PKD1L1: variants seen among roughly 807,000 people sequenced by gnomAD.
The protein encoded by PKD1L1 is polycystin 1 like 1, transient receptor potential channel interacting.
A neutral mutation model predicts 323.4 loss-of-function variants in PKD1L1; 236 were observed. The observed-to-expected ratio is 0.73, with a 90% CI of 0.66 to 0.81. The LOEUF is 0.81. PKD1L1 is among the 40% of genes least tolerant of loss of function. The probability of loss-of-function intolerance (pLI) is 0.00; values close to 1 mark genes in which losing one functional copy is unlikely to be tolerated. For synonymous variants in PKD1L1, 1,344 were observed against 1,335.0 expected (o/e 1.01, Z -0.15); for missense variants, 3,320 against 3,508.0 (o/e 0.95, Z 1.35).
At chr7:47,958,821 TC>T in the PKD1L1 span, among the ~76,000 whole-genome samples, 1 of 152,010 alleles carries the variant, frequency 6.6e-6, no homozygotes, top group Admixed American at 6.6e-5. Flanking sequence ...GGTCTCCCTC[TC>T]CCCACGGTCT....
intron 20 of PKD1L1, 66 bp downstream of exon 20, chr7:47,881,843 T>A (rs1786560250): frequency 4.1e-6 from 6 of 1,453,298 alleles, no homozygotes; most frequent in Non-Finnish European, 5.5e-6. Context: ...CAGAAGAAAT[T>A]GAGGGCTGAT....
rs562063170 is a variant in PKD1L1 at position 47,819,655 on chromosome 7, C to A, written c.6965+1421G>T. Reference sequence around the variant, plus strand: ...ACAATGCTCAGCAGAAAAAAAAAAACAAAACAACTTGGATTACTGAGCTAC... The same window carrying A: ...ACAATGCTCAGCAGAAAAAAAAAAAAAAAACAACTTGGATTACTGAGCTAC... On this transcript the variant is annotated intron_variant, in intron 46 of 56. Coordinates refer to ENST00000289672, the MANE Select transcript of PKD1L1 (RefSeq NM_138295.5). 3.0e-4 allele frequency: 307 copies of A among 1,026,920 alleles called. 1 individual carries two copies. In the African/African-American group the frequency reaches 3.5e-3, roughly 12 times the overall value. 63.6% of individuals were successfully genotyped at this position (1,026,920 alleles called of 1,614,324 possible).
At chr7:47,957,860 A>ATATATATATATATATATATAT in the PKD1L1 span, among the ~76,000 whole-genome samples, 2,395 of 123,652 alleles carry the variant, frequency 0.019, 106 homozygotes, top group East Asian at 0.035. Context: ...CAATTAAAAA[A>ATATATATATATATATATATAT]AAATATATAT....
intron 42 of PKD1L1, 54 bp downstream of exon 42, chr7:47,831,163 T>C: frequency 6.4e-7 from 1 of 1,568,530 alleles, no homozygotes; most frequent in Non-Finnish European, 8.7e-7. Context: ...TGTTTACAAA[T>C]GCGAGACTTT....
Position 47,916,477 on chromosome 7 carries a change from G to A in PKD1L1, c.1061-878C>T, listed in dbSNP as rs544894958. ...ACTTGGATGGACAGAGCAGTGTGTGGAGGCTCGCATAGTCAATTTTTGCTC... is the reference window on the plus strand; with the variant it reads ...ACTTGGATGGACAGAGCAGTGTGTGAAGGCTCGCATAGTCAATTTTTGCTC... On this transcript the variant is annotated intron_variant, in intron 7 of 56. Transcript: ENST00000289672. 5.3e-5 allele frequency among the ~76,000 whole-genome samples: 8 copies of A among 152,282 alleles called. No homozygotes were observed. The East Asian group carries it at 1.5e-3, about 29-fold the overall frequency.
intron 26 of PKD1L1, among the ~76,000 whole-genome samples, chr7:47,862,200 A>G (rs1786047330): frequency 6.6e-6 from 1 of 152,146 alleles, no homozygotes; most frequent in African/African-American, 2.4e-5. Flanking sequence ...GTCTGAAAAA[A>G]AAAAGAGCAA....
In PKD1L1 at chr7:47,833,137, C is replaced by T; in HGVS notation, c.6290G>A (p.Arg2097Lys). 1.2e-6 allele frequency: 2 copies of T among 1,612,454 alleles called. No individual in the cohort carries two copies. Among genetic ancestry groups the T allele is most frequent in the Non-Finnish European group, 1.7e-6 (2 of 1,179,376 alleles). The part of the protein sequence containing the change: ...KLQVHGADHS[R>K]TSLMGKSHCC... ...GTGGCTTTTCCCCATCAGAGAAGTCCTGCTGTGGTCAGCCCCATGAACCTG... is the reference window on the plus strand; with the variant it reads ...GTGGCTTTTCCCCATCAGAGAAGTCTTGCTGTGGTCAGCCCCATGAACCTG... The change falls in exon 41 of 57, where the codon AGG becomes AAG. Residue 2097 changes from arginine (R) to lysine (K), a missense_variant. Coordinates refer to ENST00000289672, the MANE Select transcript of PKD1L1 (RefSeq NM_138295.5).
chr7:47,797,080 G>C (rs1024959191), intron 54 of PKD1L1, among the ~76,000 whole-genome samples: 1 of 151,908 alleles, frequency 6.6e-6, no homozygotes, highest in African/African-American at 2.4e-5. Flanking sequence ...AAAACCTCAG[G>C]GGACAGCTGT....
chr7:47,916,073 A>G (rs941289289), intron 7 of PKD1L1, among the ~76,000 whole-genome samples: 1 of 152,190 alleles, frequency 6.6e-6, no homozygotes, highest in Non-Finnish European at 1.5e-5. Flanking sequence ...GGACAAATAA[A>G]AGACAAAGAA....
At chr7:47,780,187 T>C (rs747640182) in intron 56 of PKD1L1, among the ~76,000 whole-genome samples, 76 of 152,154 alleles carry the variant, frequency 5.0e-4, no homozygotes, top group Middle Eastern at 3.2e-3. Flanking sequence ...ATTGATACAA[T>C]TAACGTAAAG....
intron 9 of PKD1L1, 136 bp downstream of exon 9, chr7:47,907,940 GA>G (rs1309261391): frequency 3.6e-6 from 3 of 829,988 alleles, no homozygotes; most frequent in Non-Finnish European, 5.3e-6. Context: ...CATATTTTCT[GA>G]ATTAGGGAAG....
chr7:47,923,945 C>CT (rs200401688), intron 7 of PKD1L1, among the ~76,000 whole-genome samples: 601 of 148,282 alleles, frequency 4.1e-3, no homozygotes, highest in African/African-American at 0.014. Context: ...ATCAACAACT[C>CT]TTTTTTTTTT....
intron 12 of PKD1L1, among the ~76,000 whole-genome samples, chr7:47,903,677 C>T (rs1431096429): frequency 6.6e-6 from 1 of 152,180 alleles, no homozygotes; most frequent in Non-Finnish European, 1.5e-5. Flanking sequence ...TTTCTAGATA[C>T]TTCTGCACCC....
intron 33 of PKD1L1, 26 bp from the exon 34 acceptor site, chr7:47,843,195 G>T: frequency 1.3e-6 from 2 of 1,554,696 alleles, no homozygotes; most frequent in Non-Finnish European, 8.8e-7. Context: ...GAGATATAAA[G>T]AAAATTGCTC....
chr7:47,822,604 A>C (rs1357148186), intron 45 of PKD1L1, among the ~76,000 whole-genome samples: 1 of 151,084 alleles, frequency 6.6e-6, no homozygotes, highest in Non-Finnish European at 1.5e-5. Flanking sequence ...CAAAAAAAAA[A>C]AAAAAAAAAA....
At chr7:47,885,612 C>A in intron 18 of PKD1L1, 74 bp downstream of exon 18, 1 of 1,531,776 alleles carries the variant, frequency 6.5e-7, no homozygotes, top group South Asian at 1.3e-5. Context: ...ACCTTACCCA[C>A]CAGATTCACT....
At chr7:47,827,078 A>T (rs1417590577) in intron 45 of PKD1L1, among the ~76,000 whole-genome samples, 1 of 152,210 alleles carries the variant, frequency 6.6e-6, no homozygotes, top group African/African-American at 2.4e-5. Context: ...GGCCCAGAGG[A>T]GGAAGCTTTC....
chr7:47,893,074 A>G (rs1786856024), intron 15 of PKD1L1, among the ~76,000 whole-genome samples: 1 of 150,414 alleles, frequency 6.6e-6, no homozygotes, highest in Middle Eastern at 3.4e-3. Context: ...TACTAAAAAT[A>G]CAAAAAATAG....
Position 47,897,396 on chromosome 7 carries a change from C to T in PKD1L1, c.2271+592G>A, listed in dbSNP as rs1293334520. On this transcript the variant is annotated intron_variant, in intron 14 of 56. Coordinates refer to ENST00000289672, the MANE Select transcript of PKD1L1 (RefSeq NM_138295.5). ...CTCCCACCAGGTTCTGCTCATTATC[C>T]CTGGTCTTCTTCTAGCCTTTGCCAA... Among the ~76,000 whole-genome samples the T allele has an allele frequency of 2.6e-5, 4 of 152,330 alleles. No homozygotes were observed. The South Asian group carries it at 8.3e-4, about 32-fold the overall frequency.
Sources: allele counts gnomAD v4.1 joint callset (sites outside exome capture counted in the v4.1 genomes callset), GRCh38; gene constraint gnomAD v4.1.1; transcripts MANE v1.5; gene names NCBI Gene and HGNC (gene_info 2026-07-23, HGNC 2026-07-21).